FER: variants seen among roughly 807,000 people sequenced by gnomAD.
FER encodes the protein tyrosine-protein kinase Fer.
Under a neutral mutation model 111.0 loss-of-function variants are expected in FER, and 63 were observed. The ratio of observed to expected loss-of-function variants is 0.57; its 90% confidence interval spans 0.46 to 0.70. The LOEUF is 0.70. Among genes scored for constraint, FER ranks in the 30% least tolerant of loss-of-function variants. The pLI is 0.00. For synonymous variants in FER, 327 were observed against 313.9 expected, an observed-to-expected ratio of 1.04 and a Z score of -0.44; for missense variants, 914 against 954.0, an observed-to-expected ratio of 0.96 and a Z score of 0.55.
intron 8 of FER, among the ~76,000 whole-genome samples, chr5:108,877,847 A>G (rs1360485182): frequency 1.3e-5 from 2 of 152,132 alleles, no homozygotes; most frequent in Non-Finnish European, 2.9e-5. Context: ...TGATTATGAT[A>G]TGAAAAGTGT....
At chr5:109,110,860 C>T (rs1283458618) in intron 17 of FER, among the ~76,000 whole-genome samples, 1 of 152,062 alleles carries the variant, frequency 6.6e-6, no homozygotes, top group East Asian at 1.9e-4. Flanking sequence ...AAAAACATAA[C>T]TCATAGCTTC....
At chr5:108,819,841 T>G in intron 3 of FER, 2 of 985,140 alleles carry the variant, frequency 2.0e-6, no homozygotes, top group Non-Finnish European at 2.4e-6. Flanking sequence ...TGAGTTTTAA[T>G]TTTTTTCCCC....
At chr5:108,807,871 T>C (rs1385973991) in intron 3 of FER, among the ~76,000 whole-genome samples, 1 of 152,168 alleles carries the variant, frequency 6.6e-6, no homozygotes, top group Non-Finnish European at 1.5e-5. Context: ...TTTCATTGTT[T>C]ACCCACAAGT....
rs545685564 is a variant in FER at position 108,797,571 on chromosome 5, A to G, written c.-59-553A>G. ...ATCACAGTGCTCTCTTTCTCCTCCA[A>G]GCATACTCTGTGCACCATGTGGCCA... is the stretch of plus-strand genomic sequence containing the variant. On this transcript the variant is annotated intron_variant, in intron 2 of 19. Coordinates refer to ENST00000281092, the MANE Select transcript of FER (RefSeq NM_005246.4). 3.3e-4 allele frequency among the ~76,000 whole-genome samples: 50 copies of G among 152,262 alleles called. 2 individuals carry two copies. The highest frequency in any genetic ancestry group is 1.2e-3 in the African/African-American group (49 of 41,544).
Position 108,919,411 on chromosome 5 carries a change from A to G in FER, c.1236+21563A>G, listed in dbSNP as rs142976903. ...AGGGAGGGTTTTTCTAAACAAGTTT[A>G]TTTAGTAGCTATTAAAATGGAAAAT... is the stretch of plus-strand genomic sequence containing the variant. On this transcript the variant is annotated intron_variant, in intron 10 of 19. Coordinates refer to ENST00000281092, the MANE Select transcript of FER (RefSeq NM_005246.4). 2.3e-3 allele frequency among the ~76,000 whole-genome samples: 349 copies of G among 152,224 alleles called. 1 individual carries two copies. The highest frequency in any genetic ancestry group is 6.9e-3 in the African/African-American group (288 of 41,546).
chr5:108,999,707 A>ATTT lies in FER; in HGVS notation c.1657-37705_1657-37703dup, dbSNP rs35747458. Among the ~76,000 whole-genome samples, 369 of 147,824 alleles carry ATTT rather than the reference A, an allele frequency of 2.5e-3. 2 individuals are homozygous for ATTT. Among genetic ancestry groups the ATTT allele is most frequent in the African/African-American group, 7.9e-3 (316 of 40,166 alleles). On this transcript the variant is annotated intron_variant, in intron 13 of 19. Coordinates refer to ENST00000281092, the MANE Select transcript of FER (RefSeq NM_005246.4). ...TATGTACACCTTTACCATTCTTACT[A>ATTT]TTTTTTTTTTTTGCCATCCTGGTAG...
chr5:109,060,761 T>TGG (rs1365943659), intron 16 of FER, among the ~76,000 whole-genome samples: 1 of 122,162 alleles, frequency 8.2e-6, no homozygotes, highest in African/African-American at 2.9e-5. Flanking sequence ...GTATGTGTGG[T>TGG]GTGTGTGTGT....
chr5:109,024,177 T>C (rs1271271643), intron 13 of FER, among the ~76,000 whole-genome samples: 2 of 152,162 alleles, frequency 1.3e-5, no homozygotes, highest in African/African-American at 4.8e-5. Context: ...AACAGAAGAC[T>C]ATTTCTGCAG....
chr5:108,781,298 A>G (rs1467336604), intron 2 of FER, among the ~76,000 whole-genome samples: 1 of 151,918 alleles, frequency 6.6e-6, no homozygotes, highest in Non-Finnish European at 1.5e-5. Context: ...TCAAGCGATT[A>G]TCCTGCCTCA....
intron 3 of FER, among the ~76,000 whole-genome samples, chr5:108,824,409 ATCAT>A (rs1759222682): frequency 6.6e-6 from 1 of 151,896 alleles, no homozygotes; most frequent in South Asian, 2.1e-4. Context: ...TATTTTAATG[ATCAT>A]TCTTTCAATT....
chr5:108,770,673 G>A (rs958947318), intron 2 of FER, among the ~76,000 whole-genome samples: 1 of 152,010 alleles, frequency 6.6e-6, no homozygotes, highest in South Asian at 2.1e-4. Context: ...ACAGTGCCTG[G>A]CCTATTTGGA....
chr5:108,833,540 A>T (rs1288328301), intron 4 of FER, among the ~76,000 whole-genome samples: 2 of 151,730 alleles, frequency 1.3e-5, no homozygotes, highest in East Asian at 3.8e-4. Context: ...TTATCCATAA[A>T]TATTTTAGAA....
chr5:109,004,889 C>T (rs1765292193), intron 13 of FER, among the ~76,000 whole-genome samples: 1 of 151,694 alleles, frequency 6.6e-6, no homozygotes, highest in African/African-American at 2.4e-5. Context: ...ATCATATTAC[C>T]AAATGGTTCA....
At chr5:109,059,805 T>C (rs1196655569) in intron 16 of FER, among the ~76,000 whole-genome samples, 2 of 152,222 alleles carry the variant, frequency 1.3e-5, no homozygotes, top group East Asian at 1.9e-4. Flanking sequence ...ATCTTTCATA[T>C]GACCTAAGAA....
chr5:108,793,659 CTT>C (rs1192243443), intron 2 of FER, among the ~76,000 whole-genome samples: 2 of 152,120 alleles, frequency 1.3e-5, no homozygotes, highest in Non-Finnish European at 2.9e-5. Flanking sequence ...AGGATTCTCT[CTT>C]TTCTACATCC....
At chr5:108,808,541 A>G (rs922946536) in intron 3 of FER, among the ~76,000 whole-genome samples, 1 of 151,942 alleles carries the variant, frequency 6.6e-6, no homozygotes, top group Non-Finnish European at 1.5e-5. Flanking sequence ...TTGTTTTTTT[A>G]ATCCAACTTG....
chr5:108,855,289 A>C (rs542323518), intron 5 of FER, among the ~76,000 whole-genome samples: 1 of 152,210 alleles, frequency 6.6e-6, no homozygotes, highest in Non-Finnish European at 1.5e-5. Flanking sequence ...GAGTCTTAAC[A>C]AAGACTGAGC....
chr5:108,769,321 A>G (rs1429233043), intron 2 of FER, among the ~76,000 whole-genome samples: 2 of 152,132 alleles, frequency 1.3e-5, no homozygotes, highest in Non-Finnish European at 2.9e-5. Flanking sequence ...TTGGAAGAGC[A>G]TTCTCATTAG....
At chr5:108,991,408 T>G (rs140389615) in intron 13 of FER, among the ~76,000 whole-genome samples, 7 of 152,154 alleles carry the variant, frequency 4.6e-5, no homozygotes, top group African/African-American at 1.7e-4. Flanking sequence ...ACAGACAAAT[T>G]TTTAACACTC....
Sources: allele counts gnomAD v4.1 joint callset (sites outside exome capture counted in the v4.1 genomes callset), GRCh38; gene constraint gnomAD v4.1.1; transcripts MANE v1.5; gene names NCBI Gene and HGNC (gene_info 2026-07-23, HGNC 2026-07-21).